Variants in SPG7 observed in about 807,000 individuals in gnomAD.
SPG7 encodes the protein mitochondrial inner membrane m-AAA protease component paraplegin.
A neutral mutation model predicts 81.9 loss-of-function variants in SPG7; 103 were observed. That is an observed-to-expected ratio of 1.26 (90% CI 1.07 to 1.48). SPG7 has a LOEUF of 1.48. Ranked by LOEUF, SPG7 falls within the 40% of genes most tolerant of loss-of-function variation. The probability of loss-of-function intolerance (pLI) is 0.00; values close to 1 mark genes in which losing one functional copy is unlikely to be tolerated. For synonymous variants in SPG7, 534 were observed against 444.2 expected (o/e 1.20, Z -2.54); for missense variants, 1,241 against 1,087.3 (o/e 1.14, Z -1.99).
intron 9 of SPG7, chr16:89,536,863 A>G (rs1281303991): frequency 6.2e-7 from 1 of 1,614,174 alleles, no homozygotes; most frequent in Non-Finnish European, 8.5e-7. Flanking sequence ...AGGGTCACGG[A>G]GGGCAATGGA....
chr16:89,544,188 C>G (rs144270437), intron 9 of SPG7: 19 of 259,966 alleles, frequency 7.3e-5, no homozygotes, highest in Non-Finnish European at 1.1e-4. Context: ...TTAAATTCTC[C>G]GATGACAAAC....
At chr16:89,537,030 C>G (rs1179851612) in intron 9 of SPG7, 3 of 1,607,822 alleles carry the variant, frequency 1.9e-6, no homozygotes, top group African/African-American at 1.3e-5. Context: ...CGGATTTGCT[C>G]AGGCCTGGGA....
intron 11 of SPG7, 70 bp from the exon 12 acceptor site, chr16:89,547,933 G>T: frequency 2.6e-6 from 3 of 1,163,516 alleles, no homozygotes; most frequent in Non-Finnish European, 2.6e-6. Context: ...TCCCTTGAGG[G>T]CCCCTTCCTC....
At chr16:89,540,556 A>C (rs1476614536) in intron 9 of SPG7, 1 of 152,314 alleles carries the variant, frequency 6.6e-6, no homozygotes, top group Non-Finnish European at 1.5e-5. Context: ...ACTGCACTCC[A>C]GCCTGGGCAA....
At chr16:89,520,587 G>A (rs8048080) in intron 3 of SPG7, 20,281 of 153,288 alleles carry the variant, frequency 0.13, 1,712 homozygotes, top group Middle Eastern at 0.2. Context: ...AGTAGAGACA[G>A]GGTTTCACCA....
intron 7 of SPG7, chr16:89,531,548 A>G (rs2058342667): frequency 9.4e-6 from 3 of 319,146 alleles, no homozygotes; most frequent in South Asian, 8.2e-5. Context: ...TAATTTTTGT[A>G]TTTTTAGTAG....
intron 2 of SPG7, among the ~76,000 whole-genome samples, chr16:89,511,187 G>A (rs2058017154): frequency 6.6e-6 from 1 of 152,160 alleles, no homozygotes; most frequent in Non-Finnish European, 1.5e-5. Context: ...TAATTGGGCT[G>A]CTTGAAAAAG....
intron 12 of SPG7, chr16:89,548,935 A>G: frequency 2.2e-6 from 1 of 454,252 alleles, no homozygotes; most frequent in Non-Finnish European, 4.4e-6. Context: ...CGAGTTCCTC[A>G]CCCTCAATTC....
At chr16:89,554,413 A>G in intron 15 of SPG7, 73 bp from the exon 16 acceptor site, 1 of 1,047,380 alleles carries the variant, frequency 9.5e-7, no homozygotes, top group South Asian at 1.3e-5. Context: ...CCAGTCTGCC[A>G]TTTCTTTTCT....
chr16:89,536,532 GTGAGGT>G (rs2058423216), intron 9 of SPG7, among the ~76,000 whole-genome samples: 1 of 144,922 alleles, frequency 6.9e-6, no homozygotes, highest in Non-Finnish European at 1.5e-5. Flanking sequence ...GGTGAGGCGG[GTGAGGT>G]CAGGTGAGGC....
At chr16:89,554,021 C>G in intron 15 of SPG7, 61 bp downstream of exon 15, 1 of 1,573,342 alleles carries the variant, frequency 6.4e-7, no homozygotes, top group Non-Finnish European at 8.7e-7. Context: ...GTCCCTGGGT[C>G]TACCACACAA....
intron 9 of SPG7, chr16:89,544,299 A>G (rs1461863266): frequency 2.6e-5 from 9 of 344,674 alleles, no homozygotes; most frequent in Non-Finnish European, 4.5e-5. Context: ...ACAAAGTCAC[A>G]ATAATGATGA....
intron 6 of SPG7, chr16:89,530,365 C>T (rs1260867407): frequency 3.5e-5 from 14 of 401,062 alleles, no homozygotes; most frequent in South Asian, 8.5e-5. Flanking sequence ...AGGGTGGTCT[C>T]GATCTCTTGA....
At chr16:89,549,097 G>A (rs780576180) in intron 12 of SPG7, 9 of 456,528 alleles carry the variant, frequency 2.0e-5, no homozygotes, top group Non-Finnish European at 3.1e-5. Context: ...GGGTCGAGAG[G>A]ACTGGCGCTG....
At chr16:89,537,746 C>G in intron 9 of SPG7, 1 of 985,444 alleles carries the variant, frequency 1.0e-6, no homozygotes, top group Non-Finnish European at 1.2e-6. Flanking sequence ...GCCGTGAGCT[C>G]TTTCAGGTCC....
intron 16 of SPG7, chr16:89,555,045 AGCTGCGACT>A (rs2058672941): frequency 5.8e-6 from 1 of 173,610 alleles, no homozygotes; most frequent in Admixed American, 5.7e-5. Flanking sequence ...CCTCCCGAGT[AGCTGCGACT>A]GCAGGCATGC....
chr16:89,525,240 C>G (rs1380773229), intron 4 of SPG7, among the ~76,000 whole-genome samples: 1 of 152,166 alleles, frequency 6.6e-6, no homozygotes, highest in Non-Finnish European at 1.5e-5. Context: ...AGTGCCAGAT[C>G]ACAGGCGTCA....
intron 16 of SPG7, 151 bp from the exon 17 acceptor site, chr16:89,556,736 C>A (rs2058690566): frequency 4.2e-6 from 3 of 711,970 alleles, no homozygotes; most frequent in Non-Finnish European, 7.7e-6. Flanking sequence ...TCTTTCGGAG[C>A]TGCCTCCGTG....
intron 7 of SPG7, 91 bp downstream of exon 7, chr16:89,530,899 C>T (rs1036035311): frequency 1.1e-5 from 17 of 1,568,896 alleles, no homozygotes; most frequent in South Asian, 2.2e-5. Context: ...GGAATTCCAT[C>T]GATGACGTGT....
Sources: gnomAD v4.1 joint callset for allele counts (sites outside exome capture counted in the v4.1 genomes callset) on GRCh38, gnomAD v4.1.1 for gene constraint, MANE v1.5 for transcripts, NCBI Gene and HGNC (gene_info 2026-07-23, HGNC 2026-07-21) for gene names.